The following CDH13 variants were observed in gnomAD, a reference collection of about 807,000 sequenced individuals.
The protein encoded by CDH13 is cadherin 13.
In CDH13, 24 loss-of-function variants were observed where a neutral mutation model predicts 63.8. That is an observed-to-expected ratio of 0.38 (90% CI 0.27 to 0.53). The LOEUF (loss-of-function observed/expected upper bound fraction) is 0.53. Ranked by LOEUF, CDH13 falls within the 20% of genes least tolerant of loss-of-function variation. The pLI, the probability that CDH13 is intolerant of heterozygous loss-of-function variation, is 0.85. For synonymous variants in CDH13, 503 were observed against 355.3 expected, an observed-to-expected ratio of 1.42 and a Z score of -4.67; for missense variants, 1,049 against 903.1, an observed-to-expected ratio of 1.16 and a Z score of -2.07.
chr16:82,998,195 A>G lies in CDH13; in HGVS notation c.158-33815A>G, dbSNP rs187622981. Among the ~76,000 whole-genome samples, 286 of 152,268 alleles carry G rather than the reference A, an allele frequency of 1.9e-3. 1 individual carries two copies. The highest frequency in any genetic ancestry group is 6.5e-3 in the African/African-American group (269 of 41,570). ...TCATACAGACCTTCCTAAGATCCTC[A>G]CTTTGCTTGTATCATTTTCCCTAGA... On this transcript the variant is annotated intron_variant, in intron 2 of 13. Coordinates refer to ENST00000567109, the MANE Select transcript of CDH13 (RefSeq NM_001257.5).
At chr16:83,051,836 C>A (rs183194853) in intron 3 of CDH13, among the ~76,000 whole-genome samples, 2 of 152,202 alleles carry the variant, frequency 1.3e-5, no homozygotes, top group Admixed American at 1.3e-4. Flanking sequence ...AGACCGAAAA[C>A]TTTGAGTCTG....
chr16:82,708,891 C>T (rs1203330187), intron 1 of CDH13, among the ~76,000 whole-genome samples: 3 of 152,172 alleles, frequency 2.0e-5, no homozygotes, highest in Admixed American at 1.3e-4. Context: ...TGCTAGGGCT[C>T]TCTTATAAAT....
chr16:82,916,474 T>C (rs2041994281), intron 2 of CDH13, among the ~76,000 whole-genome samples: 1 of 152,038 alleles, frequency 6.6e-6, no homozygotes, highest in Non-Finnish European at 1.5e-5. Context: ...GTTGGGAGGC[T>C]GAGGCAGGAG....
intron 7 of CDH13, among the ~76,000 whole-genome samples, chr16:83,508,928 C>T (rs2074489521): frequency 6.6e-6 from 1 of 152,092 alleles, no homozygotes; most frequent in African/African-American, 2.4e-5. Flanking sequence ...TCTCATGCTG[C>T]TAATGGGTAC....
chr16:83,099,368 G>T (rs966836810), intron 3 of CDH13, among the ~76,000 whole-genome samples: 2 of 151,890 alleles, frequency 1.3e-5, no homozygotes, highest in Non-Finnish European at 2.9e-5. Flanking sequence ...TTGTCACCCA[G>T]GCTGGAGTGC....
intron 2 of CDH13, among the ~76,000 whole-genome samples, chr16:82,972,770 T>TC (rs1908951676): frequency 6.6e-6 from 1 of 150,452 alleles, no homozygotes; most frequent in Non-Finnish European, 1.5e-5. Flanking sequence ...AGAATCAGCC[T>TC]TGTGTTTACA....
chr16:83,106,404 G>T (rs964378360), intron 3 of CDH13, among the ~76,000 whole-genome samples: 1 of 152,120 alleles, frequency 6.6e-6, no homozygotes, highest in East Asian at 1.9e-4. Context: ...AGCTGGGCAT[G>T]GTGGCATGTG....
intron 4 of CDH13, among the ~76,000 whole-genome samples, chr16:83,144,462 A>G (rs999413858): frequency 6.6e-6 from 1 of 152,240 alleles, no homozygotes; most frequent in Admixed American, 6.5e-5. Context: ...AGTTAAGGAC[A>G]TGGGAACACA....
At chr16:83,426,339 T>C (rs1391229552) in intron 6 of CDH13, among the ~76,000 whole-genome samples, 1 of 152,192 alleles carries the variant, frequency 6.6e-6, no homozygotes, top group African/African-American at 2.4e-5. Flanking sequence ...ATTCCAATAA[T>C]GTTTCTCTCC....
chr16:82,990,868 T>G (rs565722498), intron 2 of CDH13, among the ~76,000 whole-genome samples: 1 of 152,312 alleles, frequency 6.6e-6, no homozygotes, highest in East Asian at 1.9e-4. Context: ...GAAGACTTTC[T>G]TATCAGATTT....
At chr16:82,698,247 C>G (rs1567639243) in intron 1 of CDH13, among the ~76,000 whole-genome samples, 1 of 152,188 alleles carries the variant, frequency 6.6e-6, no homozygotes, top group Non-Finnish European at 1.5e-5. Flanking sequence ...TTGGAAGAGT[C>G]TTTGCATGTC....
chr16:83,534,852 A>G (rs1038207631), intron 7 of CDH13, among the ~76,000 whole-genome samples: 2 of 152,262 alleles, frequency 1.3e-5, no homozygotes, highest in Non-Finnish European at 2.9e-5. Flanking sequence ...AAATTGGGTC[A>G]TCAAAGCCAT....
chr16:82,708,294 A>T (rs927361605), intron 1 of CDH13, among the ~76,000 whole-genome samples: 1 of 152,036 alleles, frequency 6.6e-6, no homozygotes, highest in African/African-American at 2.4e-5. Context: ...TGTGGGAGAG[A>T]AGGAGGAGAG....
intron 8 of CDH13, among the ~76,000 whole-genome samples, chr16:83,623,166 C>T (rs773400198): frequency 6.6e-6 from 1 of 152,120 alleles, no homozygotes; most frequent in Non-Finnish European, 1.5e-5. Flanking sequence ...CTGAGGCATA[C>T]AAGAGCCCGG....
chr16:82,705,887 G>A (rs1158126735), intron 1 of CDH13, among the ~76,000 whole-genome samples: 1 of 152,092 alleles, frequency 6.6e-6, no homozygotes, highest in East Asian at 1.9e-4. Flanking sequence ...TTTACAACAG[G>A]TTTAGTCATC....
intron 4 of CDH13, among the ~76,000 whole-genome samples, chr16:83,197,497 CT>C (rs1217897796): frequency 1.3e-5 from 2 of 152,104 alleles, no homozygotes; most frequent in African/African-American, 4.8e-5. Flanking sequence ...TTTATTCATT[CT>C]TTCTAATTTT....
rs7196317 is a variant in CDH13 at position 83,796,662 on chromosome 16, C to G, written c.*1632C>G. 6.6e-6 allele frequency: 1 copy of G among 152,004 alleles called. No individual in the cohort carries two copies. Among genetic ancestry groups the G allele is most frequent in the African/African-American group, 2.4e-5 (1 of 41,356 alleles). 9.4% of individuals were successfully genotyped at this position (152,004 alleles called of 1,614,324 possible). On this transcript the variant is annotated 3_prime_UTR_variant, in exon 14 of 14. Transcript: ENST00000567109. ...CAATGTCACTGATGTTGGGTCTTGTCTTAGTGCAAGTTCACATTTTTGACA... is the reference window on the plus strand; with the variant it reads ...CAATGTCACTGATGTTGGGTCTTGTGTTAGTGCAAGTTCACATTTTTGACA...
At chr16:83,388,857 C>G (rs529063164) in intron 6 of CDH13, among the ~76,000 whole-genome samples, 1 of 152,212 alleles carries the variant, frequency 6.6e-6, no homozygotes, top group Non-Finnish European at 1.5e-5. Flanking sequence ...CAGCCCAGAC[C>G]TACTGAATCA....
chr16:83,672,409 C>CTTTTTTTTTTTTT lies in CDH13; in HGVS notation c.1284+1459_1284+1471dup, dbSNP rs34156503. ...AGAGTGAGGCAGCTCTCTGGATTCT[C>CTTTTTTTTTTTTT]TTTTTTTTTTTTTTTTTTTTTTTTT... On this transcript the variant is annotated intron_variant, in intron 9 of 13. Transcript: ENST00000567109. Among the ~76,000 whole-genome samples, 39 of 35,142 alleles carry CTTTTTTTTTTTTT rather than the reference C, an allele frequency of 1.1e-3. 11 individuals are homozygous for CTTTTTTTTTTTTT. Among genetic ancestry groups the CTTTTTTTTTTTTT allele is most frequent in the Non-Finnish European group, 1.5e-3 (29 of 19,854 alleles). The allele number at this position is 35,142 out of a possible 152,430, so 23.1% of individuals were successfully genotyped here. A position where few individuals can be genotyped will look rare whatever the true frequency, so the allele number is the denominator to read the frequency against.
Sources: gnomAD v4.1 joint callset for allele counts (sites outside exome capture counted in the v4.1 genomes callset) on GRCh38, gnomAD v4.1.1 for gene constraint, MANE v1.5 for transcripts, NCBI Gene and HGNC (gene_info 2026-07-23, HGNC 2026-07-21) for gene names.